The following TMEM232 variants were observed in gnomAD, a reference collection of about 807,000 sequenced individuals.
The protein encoded by TMEM232 is transmembrane protein 232.
In TMEM232, 80 loss-of-function variants were observed where a neutral mutation model predicts 78.8. The observed-to-expected ratio is 1.01, with a 90% CI of 0.85 to 1.22. TMEM232 has a LOEUF of 1.22. Among genes scored for constraint, TMEM232 ranks in the 50% most tolerant of loss-of-function variants. The pLI, the probability that TMEM232 is intolerant of heterozygous loss-of-function variation, is 0.00. For missense variants in TMEM232, 881 were observed against 742.2 expected (o/e 1.19, Z -2.17); for synonymous variants, 297 against 254.3 (o/e 1.17, Z -1.60).
At chr5:110,522,802 C>A (rs1769744305) in intron 12 of TMEM232, among the ~76,000 whole-genome samples, 3 of 152,038 alleles carry the variant, frequency 2.0e-5, no homozygotes, top group Admixed American at 2.0e-4. Flanking sequence ...TAAGATGCTT[C>A]TGGATTCTGT....
chr5:110,582,123 A>G (rs949831200), intron 10 of TMEM232, among the ~76,000 whole-genome samples: 11 of 152,060 alleles, frequency 7.2e-5, no homozygotes, highest in Non-Finnish European at 1.6e-4. Flanking sequence ...TTCTTAAAAC[A>G]GAACTATGAT....
chr5:110,663,806 A>G (rs1580565982), intron 2 of TMEM232, among the ~76,000 whole-genome samples: 1 of 151,664 alleles, frequency 6.6e-6, no homozygotes, highest in East Asian at 1.9e-4. Context: ...TTGGAGACCC[A>G]TAGAAAGCAT....
intron 2 of TMEM232, among the ~76,000 whole-genome samples, chr5:110,646,829 A>G (rs1787549946): frequency 6.6e-6 from 1 of 151,910 alleles, no homozygotes; most frequent in Non-Finnish European, 1.5e-5. Context: ...AAACTAAAAT[A>G]AATCAATAGC....
intron 12 of TMEM232, among the ~76,000 whole-genome samples, chr5:110,467,364 G>A (rs1762197455): frequency 6.6e-6 from 1 of 152,316 alleles, no homozygotes; most frequent in Non-Finnish European, 1.5e-5. Flanking sequence ...GAAATTAGGA[G>A]AGATGGTGGT....
At chr5:110,406,483 G>A (rs1256175575) in intron 2 of TMEM232, among the ~76,000 whole-genome samples, 1 of 151,814 alleles carries the variant, frequency 6.6e-6, no homozygotes, top group African/African-American at 2.4e-5. Flanking sequence ...TCATATGGTA[G>A]TGCTCAAATT....
intron 2 of TMEM232, among the ~76,000 whole-genome samples, chr5:110,649,744 G>A (rs1788032390): frequency 6.6e-6 from 1 of 151,974 alleles, no homozygotes; most frequent in South Asian, 2.1e-4. Context: ...TTTTTATAAT[G>A]CCTATTCTGT....
At chr5:110,718,146 T>C (rs1158075584) in intron 1 of TMEM232, among the ~76,000 whole-genome samples, 1 of 152,170 alleles carries the variant, frequency 6.6e-6, no homozygotes, top group African/African-American at 2.4e-5. Flanking sequence ...TAAATCTACA[T>C]ATATTTGTTT....
intron 10 of TMEM232, among the ~76,000 whole-genome samples, chr5:110,587,689 A>ATGTGTGTGTGTG (rs1313192902): frequency 1.9e-5 from 1 of 53,260 alleles, no homozygotes; most frequent in Non-Finnish European, 3.5e-5. Context: ...ATATATATAT[A>ATGTGTGTGTGTG]TATGTGTGTG....
chr5:110,615,031 A>G (rs891297509), intron 8 of TMEM232, among the ~76,000 whole-genome samples: 2 of 151,966 alleles, frequency 1.3e-5, no homozygotes, highest in Non-Finnish European at 2.9e-5. Flanking sequence ...AATCTTTGTC[A>G]AACTGCAATA....
At position 110,393,826 on chromosome 5, in the gene TMEM232, C is replaced by T. The variant is rs73217169; in HGVS notation, n.391-3186G>A. 5.1e-3 allele frequency among the ~76,000 whole-genome samples: 771 copies of T among 151,656 alleles called. 14 individuals carry two copies. The highest frequency in any genetic ancestry group is 0.018 in the African/African-American group (733 of 41,340). On this transcript the variant is annotated intron_variant and non_coding_transcript_variant, in intron 3 of 8. Transcript: ENST00000507188. The stretch of plus-strand genomic sequence containing the variant: ...ACAAAAATTAGCCAGGCATGGTAGG[C>T]GGGCACCTGTAATCCCAGCTACTTG...
intron 11 of TMEM232, among the ~76,000 whole-genome samples, chr5:110,564,468 AT>A (rs1271556961): frequency 1.3e-5 from 2 of 152,012 alleles, no homozygotes; most frequent in Non-Finnish European, 2.9e-5. Flanking sequence ...AGCTGTAAAT[AT>A]TTAAACTTTA....
intron 7 of TMEM232, among the ~76,000 whole-genome samples, chr5:110,624,867 A>C (rs1784211501): frequency 6.6e-6 from 1 of 152,104 alleles, no homozygotes; most frequent in South Asian, 2.1e-4. Flanking sequence ...GCATAATGTT[A>C]AACGTATTTT....
chr5:110,717,785 C>G (rs939269430), intron 1 of TMEM232, among the ~76,000 whole-genome samples: 1 of 152,112 alleles, frequency 6.6e-6, no homozygotes, highest in South Asian at 2.1e-4. Flanking sequence ...TCACTCCTCA[C>G]TCTTCTCTCT....
chr5:110,691,948 T>C (rs568453775), intron 1 of TMEM232, among the ~76,000 whole-genome samples: 1 of 152,136 alleles, frequency 6.6e-6, no homozygotes, highest in African/African-American at 2.4e-5. Flanking sequence ...TGGGACGGAG[T>C]CTCACTCTGT....
chr5:110,409,503 T>C (rs1271487016), intron 2 of TMEM232, among the ~76,000 whole-genome samples: 2 of 152,232 alleles, frequency 1.3e-5, no homozygotes, highest in Non-Finnish European at 2.9e-5. Context: ...AATGTGATTC[T>C]TAGAAGCATT....
At chr5:110,409,686 T>A (rs140147049) in intron 2 of TMEM232, among the ~76,000 whole-genome samples, 136 of 152,276 alleles carry the variant, frequency 8.9e-4, no homozygotes, top group African/African-American at 3.2e-3. Context: ...TATCTTTAGC[T>A]CTTGCTACAT....
intron 8 of TMEM232, among the ~76,000 whole-genome samples, chr5:110,609,049 T>C (rs1423438616): frequency 6.6e-6 from 1 of 152,100 alleles, no homozygotes; most frequent in East Asian, 1.9e-4. Flanking sequence ...TTATAGAAGT[T>C]AGGAACATCA....
chr5:110,732,709 G>A (rs1798794910), intron 2 of TMEM232, among the ~76,000 whole-genome samples: 1 of 152,140 alleles, frequency 6.6e-6, no homozygotes, highest in South Asian at 2.1e-4. Flanking sequence ...TTGAGATTTG[G>A]GTGGGGACAC....
chr5:110,415,997 G>GA (rs1196923043), downstream of TMEM232, among the ~76,000 whole-genome samples: 2 of 151,926 alleles, frequency 1.3e-5, no homozygotes, highest in Non-Finnish European at 2.9e-5. Context: ...AGTGAAACAG[G>GA]AAAAAAATAA....
Sources: gnomAD v4.1 joint callset for allele counts (sites outside exome capture counted in the v4.1 genomes callset) on GRCh38, gnomAD v4.1.1 for gene constraint, MANE v1.5 for transcripts, NCBI Gene and HGNC (gene_info 2026-07-23, HGNC 2026-07-21) for gene names.